Variants in SENP7 observed in about 807,000 individuals in gnomAD.
The protein encoded by SENP7 is SUMO specific peptidase 7.
Under a neutral mutation model 141.2 loss-of-function variants are expected in SENP7, and 64 were observed. That is an observed-to-expected ratio of 0.45 (90% CI 0.37 to 0.56). SENP7 has a LOEUF of 0.56. Among genes scored for constraint, SENP7 ranks in the 20% least tolerant of loss-of-function variants. The pLI is 0.00. For synonymous variants in SENP7, 382 were observed against 426.4 expected, an observed-to-expected ratio of 0.90 and a Z score of 1.28; for missense variants, 1,025 against 1,212.2, an observed-to-expected ratio of 0.85 and a Z score of 2.29.
intron 2 of SENP7, 104 bp from the exon 3 acceptor site, chr3:101,494,072 G>T: frequency 3.9e-6 from 2 of 513,050 alleles, no homozygotes; most frequent in East Asian, 3.0e-5. Flanking sequence ...TTTGCTAACT[G>T]TTTTAAGGAG....
intron 2 of SENP7, among the ~76,000 whole-genome samples, chr3:101,498,415 T>C (rs898864078): frequency 2.6e-5 from 4 of 152,122 alleles, no homozygotes; most frequent in African/African-American, 9.7e-5. Flanking sequence ...ACTAAGAAGG[T>C]CATCATCACT....
At chr3:101,396,347 A>G (rs1404472503) in intron 6 of SENP7, among the ~76,000 whole-genome samples, 1 of 152,188 alleles carries the variant, frequency 6.6e-6, no homozygotes, top group African/African-American at 2.4e-5. Flanking sequence ...GTTTCATACA[A>G]TCTTCAAAAG....
chr3:101,343,425 T>A (rs190077070), intron 14 of SENP7, among the ~76,000 whole-genome samples: 1 of 152,136 alleles, frequency 6.6e-6, no homozygotes, highest in South Asian at 2.1e-4. Context: ...TTATCCACCA[T>A]GTATTATTTA....
chr3:101,476,175 T>C (rs532241462), intron 3 of SENP7, among the ~76,000 whole-genome samples: 109 of 152,266 alleles, frequency 7.2e-4, no homozygotes, highest in African/African-American at 2.3e-3. Context: ...TAAGTATACA[T>C]GTGCCATGGT....
chr3:101,473,827 G>A (rs2064109525), intron 3 of SENP7, among the ~76,000 whole-genome samples: 1 of 152,072 alleles, frequency 6.6e-6, no homozygotes, highest in South Asian at 2.1e-4. Context: ...TCTCCTGAAT[G>A]GTACTGCCTA....
At chr3:101,505,735 G>T (rs2065575529) in intron 1 of SENP7, among the ~76,000 whole-genome samples, 1 of 152,092 alleles carries the variant, frequency 6.6e-6, no homozygotes, top group Non-Finnish European at 1.5e-5. Flanking sequence ...ACTTCTCTGA[G>T]TCTCAGTTTC....
At chr3:101,416,191 T>C (rs1396015341) in intron 5 of SENP7, among the ~76,000 whole-genome samples, 3 of 152,128 alleles carry the variant, frequency 2.0e-5, no homozygotes, top group African/African-American at 4.8e-5. Context: ...AACTGAACAA[T>C]AGACAACAAC....
rs530625820 is a variant in SENP7, at chr3:101,457,754, T to C, written c.284+1201A>G. 14 of 756,652 alleles carry C rather than the reference T, an allele frequency of 1.9e-5. No individual in the cohort carries two copies. In the Admixed American group the frequency reaches 2.5e-4, roughly 13 times the overall value. The allele number at this position is 756,652 out of a possible 1,614,324, so 46.9% of individuals were successfully genotyped here. On this transcript the variant is annotated intron_variant, in intron 4 of 23. Transcript: ENST00000394095. ...TCCTATCAGAGCAGATAAGGGGCCA[T>C]GCAGAGAACTAGGGTTGGTGCTAAG...
rs970517388 is a variant in SENP7, at chr3:101,468,456, G to A, written c.187-9404C>T. 2.0e-5 allele frequency among the ~76,000 whole-genome samples: 3 copies of A among 152,222 alleles called. No homozygotes were observed. In the East Asian group the frequency reaches 5.8e-4, roughly 29 times the overall value. On this transcript the variant is annotated intron_variant, in intron 3 of 23. Coordinates refer to ENST00000394095, the MANE Select transcript of SENP7 (RefSeq NM_020654.5). ...GGGAAAAGTGTTAAGGGCAGCCAGA[G>A]AGAAAGGTCGAGTTACTCACAAAGG...
intron 4 of SENP7, among the ~76,000 whole-genome samples, chr3:101,452,870 C>T (rs944440086): frequency 3.9e-5 from 6 of 152,158 alleles, no homozygotes; most frequent in Non-Finnish European, 8.8e-5. Context: ...CAAATGGGAT[C>T]TACTTAAACT....
rs1320861204 is a variant in SENP7 at position 101,463,396 on chromosome 3, T to TATATAC, written c.187-4345_187-4344insGTATAT. Among the ~76,000 whole-genome samples the TATATAC allele has an allele frequency of 5.1e-4, 42 of 82,834 alleles. 1 individual carries two copies. Among genetic ancestry groups the TATATAC allele is most frequent in the South Asian group, 1.8e-3 (5 of 2,706 alleles). The allele number at this position is 82,834 out of a possible 152,430, so 54.3% of individuals were successfully genotyped here. ...ATATATATATATATATATATATATA[T>TATATAC]ACATATATATATATATATATACACA... On this transcript the variant is annotated intron_variant, in intron 3 of 23. Coordinates refer to ENST00000394095, the MANE Select transcript of SENP7 (RefSeq NM_020654.5).
At chr3:101,485,243 T>C (rs2064677605) in intron 3 of SENP7, among the ~76,000 whole-genome samples, 1 of 152,018 alleles carries the variant, frequency 6.6e-6, no homozygotes, top group African/African-American at 2.4e-5. Context: ...CCAGTGCCTC[T>C]CTATCCTACC....
intron 4 of SENP7, among the ~76,000 whole-genome samples, chr3:101,426,760 G>A (rs1261282346): frequency 1.3e-5 from 2 of 152,150 alleles, no homozygotes; most frequent in Non-Finnish European, 2.9e-5. Flanking sequence ...GGGATTACAG[G>A]CATGAGCCAT....
chr3:101,502,117 G>A (rs912119492), intron 1 of SENP7, among the ~76,000 whole-genome samples: 5 of 152,190 alleles, frequency 3.3e-5, no homozygotes, highest in Admixed American at 2.0e-4. Flanking sequence ...AAATGAAAAC[G>A]TTAATAAACT....
chr3:101,346,395 A>G (rs1396820719), intron 13 of SENP7, among the ~76,000 whole-genome samples: 1 of 152,208 alleles, frequency 6.6e-6, no homozygotes, highest in Non-Finnish European at 1.5e-5. Context: ...TGATCCAGCA[A>G]TCCCACTACT....
intron 4 of SENP7, 72 bp downstream of exon 4, chr3:101,458,883 A>G: frequency 1.1e-6 from 1 of 879,550 alleles, no homozygotes; most frequent in African/African-American, 1.7e-5. Context: ...AGAACCAACA[A>G]GCTTAAATGA....
At chr3:101,345,993 G>A (rs1357241360) in intron 13 of SENP7, among the ~76,000 whole-genome samples, 1 of 151,980 alleles carries the variant, frequency 6.6e-6, no homozygotes, top group Non-Finnish European at 1.5e-5. Context: ...CCCACAGAGT[G>A]GGAAAAAAAT....
chr3:101,429,586 T>G (rs999842300), intron 4 of SENP7, among the ~76,000 whole-genome samples: 5 of 152,220 alleles, frequency 3.3e-5, no homozygotes, highest in African/African-American at 1.2e-4. Context: ...AAGGAGATTT[T>G]GGGCTGAGAC....
intron 4 of SENP7, among the ~76,000 whole-genome samples, chr3:101,443,494 T>C (rs12492764): frequency 0.39 from 59,342 of 150,462 alleles, 12,261 homozygotes; most frequent in Admixed American, 0.53. Flanking sequence ...AAGAAAGGCA[T>C]TGGTAGCTTG....
Sources: allele counts gnomAD v4.1 joint callset (sites outside exome capture counted in the v4.1 genomes callset), GRCh38; gene constraint gnomAD v4.1.1; transcripts MANE v1.5; gene names NCBI Gene and HGNC (gene_info 2026-07-23, HGNC 2026-07-21).